Variants in WDPCP observed in about 807,000 individuals in gnomAD.
The protein encoded by WDPCP is WD repeat containing planar cell polarity effector.
In WDPCP, 71 loss-of-function variants were observed where a neutral mutation model predicts 93.1. That is an observed-to-expected ratio of 0.76 (90% CI 0.63 to 0.93). WDPCP has a LOEUF of 0.93. WDPCP is among the 40% of genes least tolerant of loss of function. The pLI, the probability that WDPCP is intolerant of heterozygous loss-of-function variation, is 0.00. For synonymous variants in WDPCP, 315 were observed against 315.0 expected, an observed-to-expected ratio of 1.00 and a Z score of 0.00; for missense variants, 844 against 887.4, an observed-to-expected ratio of 0.95 and a Z score of 0.62.
At chr2:63,837,930 C>T in the WDPCP span, among the ~76,000 whole-genome samples, 7 of 152,052 alleles carry the variant, frequency 4.6e-5, no homozygotes, top group Admixed American at 4.6e-4. Flanking sequence ...ACGCCGAAAC[C>T]CTGTCTCTAC....
chr2:63,757,016 T>C (rs1324303809), intron 2 of WDPCP, among the ~76,000 whole-genome samples: 3 of 151,958 alleles, frequency 2.0e-5, no homozygotes, highest in Admixed American at 6.6e-5. Context: ...GTAGTGGGAG[T>C]TGGGGGTACT....
chr2:63,336,240 T>C (rs1688356645), intron 12 of WDPCP, among the ~76,000 whole-genome samples: 1 of 152,192 alleles, frequency 6.6e-6, no homozygotes, highest in Non-Finnish European at 1.5e-5. Flanking sequence ...TCAGGACCGC[T>C]TTCCTGTAAC....
intron 3 of WDPCP, among the ~76,000 whole-genome samples, chr2:63,631,523 G>A (rs262501): frequency 0.79 from 120,184 of 152,032 alleles, 47,966 homozygotes; most frequent in East Asian, 0.98. Flanking sequence ...CAAGATGGAG[G>A]AGTAAGAGAT....
intron 17 of WDPCP, among the ~76,000 whole-genome samples, chr2:63,134,912 C>T (rs1670516257): frequency 6.6e-6 from 1 of 152,136 alleles, no homozygotes; most frequent in African/African-American, 2.4e-5. Flanking sequence ...TGCTTGAACT[C>T]AGGAGGTTGA....
intron 14 of WDPCP, among the ~76,000 whole-genome samples, chr2:63,251,493 T>TC (rs1680718768): frequency 7.0e-6 from 1 of 142,464 alleles, no homozygotes; most frequent in African/African-American, 2.6e-5. Flanking sequence ...TACCTTTTTT[T>TC]TTTTTTTTTT....
At chr2:63,249,494 G>C (rs59376334) in intron 14 of WDPCP, among the ~76,000 whole-genome samples, 48,230 of 151,822 alleles carry the variant, frequency 0.32, 8,574 homozygotes, top group Middle Eastern at 0.45. Flanking sequence ...TGTTTATCTA[G>C]CCTCTACAGT....
chr2:63,346,999 G>A (rs1689238412), intron 12 of WDPCP, among the ~76,000 whole-genome samples: 1 of 152,072 alleles, frequency 6.6e-6, no homozygotes, highest in Non-Finnish European at 1.5e-5. Flanking sequence ...GGGTCAGTCT[G>A]TTTCCAAATA....
In WDPCP at chr2:63,573,410, T is replaced by A. The variant is rs999967485; in HGVS notation, c.75+14787A>T. 3.9e-5 allele frequency among the ~76,000 whole-genome samples: 6 copies of A among 152,296 alleles called. No individual in the cohort carries two copies. The South Asian group carries it at 1.2e-3, about 32-fold the overall frequency. ...CATGGACATTTATTAGTTCCCCAAATTAATACTTTAATAATTTCTTATGCC... is the reference window on the plus strand; with the variant it reads ...CATGGACATTTATTAGTTCCCCAAAATAATACTTTAATAATTTCTTATGCC... On this transcript the variant is annotated intron_variant, in intron 1 of 17. Transcript: ENST00000272321.
intron 14 of WDPCP, among the ~76,000 whole-genome samples, chr2:63,186,831 C>G (rs1402844925): frequency 5.0e-5 from 7 of 140,264 alleles, no homozygotes; most frequent in African/African-American, 1.9e-4. Flanking sequence ...TTTTTTGCTT[C>G]CAAATAGGTG....
chr2:63,534,144 T>A (rs1704076898), intron 1 of WDPCP, among the ~76,000 whole-genome samples: 1 of 151,988 alleles, frequency 6.6e-6, no homozygotes, highest in Admixed American at 6.6e-5. Flanking sequence ...ACATACACCC[T>A]CCCAAGACTA....
intron 2 of WDPCP, among the ~76,000 whole-genome samples, chr2:63,793,296 A>G (rs1462599910): frequency 6.6e-6 from 1 of 152,158 alleles, no homozygotes; most frequent in Non-Finnish European, 1.5e-5. Context: ...TAAGAATAAA[A>G]CTATACATTT....
chr2:63,385,118 T>C (rs1692624921), intron 10 of WDPCP, among the ~76,000 whole-genome samples: 1 of 151,988 alleles, frequency 6.6e-6, no homozygotes, highest in African/African-American at 2.4e-5. Context: ...GAAAAAAAAT[T>C]CAACATCCAC....
chr2:63,721,549 A>G (rs1669413851), intron 2 of WDPCP, among the ~76,000 whole-genome samples: 1 of 152,130 alleles, frequency 6.6e-6, no homozygotes, highest in South Asian at 2.1e-4. Flanking sequence ...AAATATAAAT[A>G]AATTTTTAAA....
chr2:63,278,819 C>T lies in WDPCP; in HGVS notation c.1813-19410G>A, dbSNP rs147420148. On this transcript the variant is annotated intron_variant, in intron 13 of 17. Transcript: ENST00000272321. ...CCAGCCTGGGCGACAGATACTACTA[C>T]AGATACCACAGAAAAAGATTATTCA... Among the ~76,000 whole-genome samples the T allele has an allele frequency of 2.4e-4, 36 of 152,320 alleles. No individual in the cohort carries two copies. The East Asian group carries it at 5.4e-3, about 23-fold the overall frequency.
At chr2:63,329,809 C>CT (rs1425517421) in intron 12 of WDPCP, among the ~76,000 whole-genome samples, 1 of 152,012 alleles carries the variant, frequency 6.6e-6, no homozygotes. Flanking sequence ...ATGAGTGCAA[C>CT]TTTTTTTTGA....
chr2:63,160,636 C>T (rs562484401), intron 15 of WDPCP, among the ~76,000 whole-genome samples: 28 of 152,178 alleles, frequency 1.8e-4, no homozygotes, highest in Middle Eastern at 3.4e-3. Context: ...CTCTGCCTTT[C>T]GAGGTAACTG....
chr2:63,777,209 T>C (rs886212892), intron 2 of WDPCP, among the ~76,000 whole-genome samples: 3 of 152,168 alleles, frequency 2.0e-5, no homozygotes, highest in Non-Finnish European at 4.4e-5. Flanking sequence ...TATGTGTCCA[T>C]TAAAACTTTT....
At chr2:63,245,878 C>T (rs1022441375) in intron 14 of WDPCP, among the ~76,000 whole-genome samples, 3 of 152,118 alleles carry the variant, frequency 2.0e-5, no homozygotes, top group African/African-American at 4.8e-5. Context: ...GTATCCATCA[C>T]CTTAGCACTT....
At position 63,234,717 on chromosome 2, in the gene WDPCP, T is replaced by G. The variant is rs80010402; in HGVS notation, c.1915+24590A>C. 2.4e-4 allele frequency among the ~76,000 whole-genome samples: 36 copies of G among 152,320 alleles called. No individual in the cohort carries two copies. The East Asian group carries it at 6.4e-3, about 27-fold the overall frequency. ...ACTTAGTTAATATGAATATTTTGTC[T>G]TATTCAGGAATAAGATATTAACACA... On this transcript the variant is annotated intron_variant, in intron 14 of 17. Transcript: ENST00000272321.
Sources: gnomAD v4.1 joint callset for allele counts (sites outside exome capture counted in the v4.1 genomes callset) on GRCh38, gnomAD v4.1.1 for gene constraint, MANE v1.5 for transcripts, NCBI Gene and HGNC (gene_info 2026-07-23, HGNC 2026-07-21) for gene names.